Variants in MEI1 observed in about 807,000 individuals in gnomAD.
MEI1 encodes the protein meiotic double-stranded break formation protein 1.
Under a neutral mutation model 146.2 loss-of-function variants are expected in MEI1, and 103 were observed. The ratio of observed to expected loss-of-function variants is 0.70; its 90% confidence interval spans 0.60 to 0.83. The LOEUF (loss-of-function observed/expected upper bound fraction) is 0.83. Ranked by LOEUF, MEI1 falls within the 40% of genes least tolerant of loss-of-function variation. The probability of loss-of-function intolerance (pLI) is 0.00; values close to 1 mark genes in which losing one functional copy is unlikely to be tolerated. For synonymous variants in MEI1, 652 were observed against 628.2 expected, an observed-to-expected ratio of 1.04 and a Z score of -0.57; for missense variants, 1,529 against 1,533.0, an observed-to-expected ratio of 1.00 and a Z score of 0.04.
intron 26 of MEI1, among the ~76,000 whole-genome samples, chr22:41,790,589 T>A (rs9611666): frequency 0.081 from 12,285 of 151,872 alleles, 1,367 homozygotes; most frequent in African/African-American, 0.26. Flanking sequence ...CCACTGAACT[T>A]CTTTTTTTCT....
chr22:41,742,323 C>G (rs2072950041), intron 11 of MEI1, among the ~76,000 whole-genome samples: 1 of 152,072 alleles, frequency 6.6e-6, no homozygotes, highest in African/African-American at 2.4e-5. Flanking sequence ...AAGTTTGATC[C>G]CTCTTCCCCA....
chr22:41,737,578 G>A (rs924113362), intron 11 of MEI1, among the ~76,000 whole-genome samples: 9 of 151,678 alleles, frequency 5.9e-5, no homozygotes, highest in Non-Finnish European at 7.4e-5. Flanking sequence ...GTCTCACTCC[G>A]TCACCCAGGC....
At chr22:41,793,500 C>T (rs1001675958) in intron 26 of MEI1, among the ~76,000 whole-genome samples, 1 of 152,068 alleles carries the variant, frequency 6.6e-6, no homozygotes, top group African/African-American at 2.4e-5. Context: ...TGGGGTTTCA[C>T]CATGTTGACC....
At chr22:41,706,959 G>C (rs1273694708) in intron 3 of MEI1, among the ~76,000 whole-genome samples, 1 of 151,584 alleles carries the variant, frequency 6.6e-6, no homozygotes, top group Non-Finnish European at 1.5e-5. Context: ...GGGAGGCTTA[G>C]GCCTGTGGAT....
intron 17 of MEI1, among the ~76,000 whole-genome samples, chr22:41,756,513 G>A (rs1212768115): frequency 1.3e-5 from 2 of 151,676 alleles, no homozygotes; most frequent in East Asian, 1.9e-4. Flanking sequence ...TTGTTCTGTT[G>A]CCCAGGCTGG....
Position 41,723,817 on chromosome 22 carries a change from T to A in MEI1, c.734-126T>A, listed in dbSNP as rs529414926. 2.4e-6 allele frequency: 3 copies of A among 1,234,368 alleles called. No homozygotes were observed. The South Asian group carries it at 4.6e-5, about 19-fold the overall frequency. 76.5% of individuals were successfully genotyped at this position (1,234,368 alleles called of 1,614,324 possible). A position where few individuals can be genotyped will look rare whatever the true frequency, so the allele number is the denominator to read the frequency against. ...AAAAAGCAAATTGGTGCTTAAGGAT[T>A]CTAACCATTCTTCATATTTGTAGAG... On this transcript the variant is annotated intron_variant, in intron 6 of 30. Coordinates refer to ENST00000401548, the MANE Select transcript of MEI1 (RefSeq NM_152513.4).
chr22:41,762,200 T>C (rs2899347), intron 18 of MEI1, among the ~76,000 whole-genome samples: 126,912 of 152,064 alleles, frequency 0.83, 53,918 homozygotes, highest in African/African-American at 0.95. Context: ...CGTGAGCCAC[T>C]GCACCTGGCC....
rs1324930151 is a variant in MEI1 at position 41,752,668 on chromosome 22, G to A, written c.1853+17G>A. The A allele has an allele frequency of 6.3e-7, 1 of 1,583,856 alleles. No individual in the cohort carries two copies. The highest frequency in any genetic ancestry group is 1.2e-5 in the South Asian group (1 of 86,174). On this transcript the variant is annotated intron_variant, in intron 16 of 30. Coordinates refer to ENST00000401548, the MANE Select transcript of MEI1 (RefSeq NM_152513.4). ...TGGTCTGAGGTATGTGTGGTCCCAG[G>A]CAAGATTGAGTGGCCAAGGGGCCAA...
At chr22:41,726,362 T>C (rs1601767436) in intron 7 of MEI1, among the ~76,000 whole-genome samples, 3 of 152,224 alleles carry the variant, frequency 2.0e-5, no homozygotes, top group African/African-American at 4.8e-5. Context: ...TTTAGTGTAG[T>C]TTTAAGCTTA....
At chr22:41,722,044 A>C (rs2070892512) in intron 6 of MEI1, 1 of 150,706 alleles carries the variant, frequency 6.6e-6, no homozygotes, top group Non-Finnish European at 1.5e-5. Flanking sequence ...TTAAATAATA[A>C]AAAAAATTAA....
rs774920697 is a variant in MEI1, at chr22:41,754,086, G to T, written c.1951+40G>T. ...TTTGACCACTCATGTGGCCTGTGCTGGTCTTTAGAGTCTGGGTGCCTTGCT... is the reference window on the plus strand; with the variant it reads ...TTTGACCACTCATGTGGCCTGTGCTTGTCTTTAGAGTCTGGGTGCCTTGCT... On this transcript the variant is annotated intron_variant, in intron 17 of 30. Transcript: ENST00000401548. 9 of 1,446,532 alleles carry T rather than the reference G, an allele frequency of 6.2e-6. No individual in the cohort carries two copies. In the African/African-American group the frequency reaches 1.1e-4, roughly 18 times the overall value. The allele number at this position is 1,446,532 out of a possible 1,614,324, so 89.6% of individuals were successfully genotyped here.
At chr22:41,712,505 G>A (rs1601670983) in intron 3 of MEI1, among the ~76,000 whole-genome samples, 1 of 151,836 alleles carries the variant, frequency 6.6e-6, no homozygotes, top group Non-Finnish European at 1.5e-5. Flanking sequence ...AAAGTGCTGG[G>A]ATTACAGGCG....
chr22:41,763,819 G>C (rs560983742), intron 19 of MEI1, among the ~76,000 whole-genome samples: 6 of 152,082 alleles, frequency 3.9e-5, no homozygotes, highest in Admixed American at 3.9e-4. Context: ...AGGATGCTAT[G>C]CAACAAACTC....
At chr22:41,709,801 A>G (rs930768528) in intron 3 of MEI1, among the ~76,000 whole-genome samples, 2 of 152,066 alleles carry the variant, frequency 1.3e-5, no homozygotes, top group African/African-American at 2.4e-5. Context: ...TTATTTGCCT[A>G]TTGGTTGAAT....
chr22:41,714,716 C>A (rs1353503906), intron 4 of MEI1, among the ~76,000 whole-genome samples: 13 of 144,896 alleles, frequency 9.0e-5, no homozygotes, highest in Admixed American at 7.0e-5. Flanking sequence ...ACTAAAAATA[C>A]AAAAAAAAAA....
Position 41,781,362 on chromosome 22 carries a change from TTCA to T in MEI1, c.2898_2900del (p.His966del). The T allele has an allele frequency of 6.2e-7, 1 of 1,613,450 alleles. No homozygotes were observed. On this transcript the variant is annotated inframe_deletion, in exon 23 of 31. Coordinates refer to ENST00000401548, the MANE Select transcript of MEI1 (RefSeq NM_152513.4). ...TCCTTCAACTTCCTGTATTGGAGCC[TTCA>T]TCAGACCACACCCAGCAGTCAGAAA... is the stretch of plus-strand genomic sequence containing the variant.
At position 41,795,875 on chromosome 22, in the gene MEI1, G is replaced by C; in HGVS notation, c.3779+28G>C. 1 of 1,612,874 alleles carries C rather than the reference G, an allele frequency of 6.2e-7. No homozygotes were observed. Among genetic ancestry groups the C allele is most frequent in the South Asian group, 1.1e-5 (1 of 91,034 alleles). On this transcript the variant is annotated intron_variant, in intron 30 of 30. Transcript: ENST00000401548. The surrounding 1 kb of genome is among the most constrained non-coding windows in gnomAD (Gnocchi z 4.2). ...ATCCTTTCTTGCATCTATGATGAAG[G>C]AGATGCCAAATCACTGGGTGTTTGG...
chr22:41,709,238 C>T (rs775766115), intron 3 of MEI1: 2 of 882,510 alleles, frequency 2.3e-6, no homozygotes, highest in Non-Finnish European at 3.8e-6. Flanking sequence ...ATCTCCAGCA[C>T]CTTCAGCTTT....
At position 41,778,774 on chromosome 22, in the gene MEI1, A is replaced by C; in HGVS notation, c.2777A>C (p.Gln926Pro). 1.2e-6 allele frequency: 2 copies of C among 1,609,048 alleles called. No individual in the cohort carries two copies. Among genetic ancestry groups the C allele is most frequent in the Non-Finnish European group, 8.5e-7 (1 of 1,177,776 alleles). The part of the protein sequence containing the change: ...SLMQLRNVSE[Q>P]ELDSVAMKLL... ...ATGCAGCTCAGGAATGTGTCAGAGC[A>C]AGAACTGGACAGCGTGGCCATGAAG... Residue 926 changes from glutamine (Q) to proline (P), a missense_variant, in exon 22 of 31, where the codon CAA (glutamine) becomes CCA (proline). By Grantham distance (76) the Gln-to-Pro change is moderately conservative. This residue lies in a region of MEI1 where 1,212 missense variants were observed against 1,178.9 expected (regional missense o/e 1.03). Coordinates refer to ENST00000401548, the MANE Select transcript of MEI1 (RefSeq NM_152513.4).
Sources: allele counts gnomAD v4.1 joint callset (sites outside exome capture counted in the v4.1 genomes callset), GRCh38; gene constraint gnomAD v4.1.1; regional missense constraint gnomAD v4.1.1; non-coding constraint Gnocchi (gnomAD v3.1); transcripts MANE v1.5; gene names NCBI Gene and HGNC (gene_info 2026-07-23, HGNC 2026-07-21).